NADK2: variants seen among roughly 807,000 people sequenced by gnomAD.
The protein encoded by NADK2 is NAD kinase 2, mitochondrial, also known as NAD kinase domain-containing protein 1, mitochondrial.
NADK2 carries 35 observed loss-of-function variants against 62.1 expected under a neutral mutation model. The observed-to-expected ratio is 0.56, with a 90% CI of 0.43 to 0.75. The LOEUF is 0.75. Ranked by LOEUF, NADK2 falls within the 30% of genes least tolerant of loss-of-function variation. The probability of loss-of-function intolerance (pLI) is 0.00; values close to 1 mark genes in which losing one functional copy is unlikely to be tolerated. For synonymous variants in NADK2, 205 were observed against 207.9 expected, an observed-to-expected ratio of 0.99 and a Z score of 0.12; for missense variants, 439 against 561.3, an observed-to-expected ratio of 0.78 and a Z score of 2.20.
At chr5:36,200,811 C>G (rs1746416293) in intron 9 of NADK2, among the ~76,000 whole-genome samples, 1 of 151,634 alleles carries the variant, frequency 6.6e-6, no homozygotes. Flanking sequence ...TAATAACGGC[C>G]CCAAGGCACA....
chr5:36,226,601 TA>T, intron 2 of NADK2, 38 bp from the exon 3 acceptor site: 1 of 1,366,688 alleles, frequency 7.3e-7, no homozygotes, highest in Non-Finnish European at 1.0e-6. Flanking sequence ...AAATTTCCAC[TA>T]ATAATATATA....
chr5:36,217,635 A>T, intron 6 of NADK2, 113 bp downstream of exon 6: 1 of 1,093,650 alleles, frequency 9.1e-7, no homozygotes, highest in Non-Finnish European at 1.4e-6. Flanking sequence ...GTACTTTGTT[A>T]AGTGCTATTA....
At chr5:36,225,441 A>G in intron 4 of NADK2, 101 bp downstream of exon 4, 1 of 859,164 alleles carries the variant, frequency 1.2e-6, no homozygotes, top group South Asian at 1.8e-5. Context: ...CCATAAAAAG[A>G]TACTATGCAA....
chr5:36,233,126 G>GTAC (rs1275440315), intron 1 of NADK2, among the ~76,000 whole-genome samples: 2 of 152,090 alleles, frequency 1.3e-5, no homozygotes, highest in Non-Finnish European at 2.9e-5. Flanking sequence ...GACAATCTAT[G>GTAC]TACTTTAAGT....
chr5:36,211,377 G>C (rs749809672), intron 7 of NADK2, among the ~76,000 whole-genome samples: 20 of 152,062 alleles, frequency 1.3e-4, no homozygotes, highest in Non-Finnish European at 2.6e-4. Flanking sequence ...CAACAATGGT[G>C]AAACCCCATC....
chr5:36,232,872 T>C (rs1009904484), intron 1 of NADK2, among the ~76,000 whole-genome samples: 5 of 152,200 alleles, frequency 3.3e-5, no homozygotes, highest in African/African-American at 9.7e-5. Flanking sequence ...TCTACAGCCT[T>C]GAATTTTCAA....
At chr5:36,221,101 A>G (rs1433763888) in intron 4 of NADK2, 1 of 152,218 alleles carries the variant, frequency 6.6e-6, no homozygotes, top group Non-Finnish European at 1.5e-5. Context: ...GGGTACCTAA[A>G]TACTAGGAAG....
At chr5:36,227,850 T>TC (rs1458978640) in intron 1 of NADK2, among the ~76,000 whole-genome samples, 1 of 150,086 alleles carries the variant, frequency 6.7e-6, no homozygotes, top group Non-Finnish European at 1.5e-5. Flanking sequence ...TTTATGACTT[T>TC]TTTTTTTTTT....
rs1324355693 is a variant in NADK2 at position 36,219,471 on chromosome 5, A to G, written c.644+125T>C. The G allele has an allele frequency of 5.2e-6, 4 of 765,956 alleles. No individual in the cohort carries two copies. The Admixed American group carries it at 1.0e-4, about 19-fold the overall frequency. The allele number at this position is 765,956 out of a possible 1,614,324, so 47.4% of individuals were successfully genotyped here. A position where few individuals can be genotyped will look rare whatever the true frequency, so the allele number is the denominator to read the frequency against. ...AGTGATCCACCCGCATCGGCCTCCC[A>G]AAGTACTGGGATTACAGGCGTGAGA... On this transcript the variant is annotated intron_variant, in intron 5 of 11. Coordinates refer to ENST00000381937, the MANE Select transcript of NADK2 (RefSeq NM_001085411.3).
chr5:36,233,083 T>C lies in NADK2; in HGVS notation c.301-5518A>G, dbSNP rs11952182. Among the ~76,000 whole-genome samples, 569 of 152,326 alleles carry C rather than the reference T, an allele frequency of 3.7e-3. 3 individuals are homozygous for C. The highest frequency in any genetic ancestry group is 0.013 in the African/African-American group (532 of 41,574). ...CTCAATGTCCACAGCCAGTCAGTAG[T>C]GAAGTCAAATAATTACATCTGTGAA... On this transcript the variant is annotated intron_variant, in intron 1 of 11. Coordinates refer to ENST00000381937, the MANE Select transcript of NADK2 (RefSeq NM_001085411.3).
In NADK2 at chr5:36,205,250, T is replaced by C. The variant is rs979711842; in HGVS notation, c.956+1920A>G. ...ATAATAGTGCTATGAGAAAAAGTGT[T>C]AGGGAAGGATGAAAATGATTAATTC... On this transcript the variant is annotated intron_variant, in intron 8 of 11. Coordinates refer to ENST00000381937, the MANE Select transcript of NADK2 (RefSeq NM_001085411.3). This position sits in a 1 kb window ranked among gnomAD's most constrained non-coding sequence, Gnocchi z 4.1. 1.3e-5 allele frequency among the ~76,000 whole-genome samples: 2 copies of C among 151,992 alleles called. No homozygotes were observed. The highest frequency in any genetic ancestry group is 2.9e-5 in the Non-Finnish European group (2 of 67,986).
rs1367659946 is a variant in NADK2, at chr5:36,219,664, T to C, written c.576A>G (p.Leu192=). The C allele has an allele frequency of 6.2e-7, 1 of 1,613,860 alleles. No homozygotes were observed. Among genetic ancestry groups the C allele is most frequent in the Non-Finnish European group, 8.5e-7 (1 of 1,179,866 alleles). ...AATGTGTATATCGAACGGGCAGGCATAAATGACCCTCAGACCTATATTTTA... is the reference window on the plus strand; with the variant it reads ...AATGTGTATATCGAACGGGCAGGCACAAATGACCCTCAGACCTATATTTTA... ...NTDPERSEGH[L]CLPVRYTHSF... Residue 192 remains leucine, a synonymous_variant, in exon 5 of 12, where the codon TTA becomes TTG. Coordinates refer to ENST00000381937, the MANE Select transcript of NADK2 (RefSeq NM_001085411.3).
Position 36,241,397 on chromosome 5 carries a change from G to A in NADK2, c.300+102C>T, listed in dbSNP as rs924069975. ...GAGAGGCAGGACCGGCATCTGCGGT[G>A]CCCTGGGAAGAGTCGTCCCGAGAGG... is the stretch of plus-strand genomic sequence containing the variant. On this transcript the variant is annotated intron_variant, in intron 1 of 11. Coordinates refer to ENST00000381937, the MANE Select transcript of NADK2 (RefSeq NM_001085411.3). The surrounding 1 kb of genome is among the most constrained non-coding windows in gnomAD (Gnocchi z 4.9). The A allele has an allele frequency of 1.6e-5, 22 of 1,384,344 alleles. No individual in the cohort carries two copies. The highest frequency in any genetic ancestry group is 4.6e-5 in the African/African-American group (3 of 65,510). The allele number at this position is 1,384,344 out of a possible 1,614,324, so 85.8% of individuals were successfully genotyped here.
intron 1 of NADK2, among the ~76,000 whole-genome samples, chr5:36,235,277 A>G (rs571344549): frequency 6.6e-6 from 1 of 152,218 alleles, no homozygotes; most frequent in Non-Finnish European, 1.5e-5. Context: ...GATCTATCTT[A>G]GTAAAGGAAT....
chr5:36,235,946 C>T (rs183744012), intron 1 of NADK2, among the ~76,000 whole-genome samples: 1 of 151,454 alleles, frequency 6.6e-6, no homozygotes, highest in East Asian at 1.9e-4. Context: ...AACTGGCACA[C>T]TTGCTGATAT....
In NADK2 at chr5:36,241,451, G is replaced by C; in HGVS notation, c.300+48C>G. On this transcript the variant is annotated intron_variant, in intron 1 of 11. Coordinates refer to ENST00000381937, the MANE Select transcript of NADK2 (RefSeq NM_001085411.3). The surrounding 1 kb of genome is among the most constrained non-coding windows in gnomAD (Gnocchi z 4.9). ...CCCCGAGGGGGCGCAGCCGCCACCA[G>C]AGCCCCGGCCGAGCCCGGGAGCGAA... 2 of 1,490,274 alleles carry C rather than the reference G, an allele frequency of 1.3e-6. No individual in the cohort carries two copies. The highest frequency in any genetic ancestry group is 2.1e-5 in the Admixed American group (1 of 46,646). 92.3% of individuals were successfully genotyped at this position (1,490,274 alleles called of 1,614,324 possible).
chr5:36,196,173 G>A (rs542193265), intron 11 of NADK2, among the ~76,000 whole-genome samples: 171 of 152,166 alleles, frequency 1.1e-3, no homozygotes, highest in African/African-American at 3.9e-3. Flanking sequence ...TACTTCAAAG[G>A]GGAATTATTG....
In NADK2 at chr5:36,211,888, C is replaced by G; in HGVS notation, c.816G>C (p.Val272=). The change falls in exon 7 of 12, where the codon GTG becomes GTC. Residue 272 remains valine (V), a synonymous_variant. Coordinates refer to ENST00000381937, the MANE Select transcript of NADK2 (RefSeq NM_001085411.3). ...SEASGPQLLP[V]RALNEVFIGE... ...CAATGAAGACTTCATTTAGTGCTCT[C>G]ACTGGCAGAAGTTGGGGTCCTGAAG... 1 of 1,613,582 alleles carries G rather than the reference C, an allele frequency of 6.2e-7. No homozygotes were observed. Among genetic ancestry groups the G allele is most frequent in the Non-Finnish European group, 8.5e-7 (1 of 1,179,716 alleles).
chr5:36,224,199 A>G (rs376588334), intron 4 of NADK2, among the ~76,000 whole-genome samples: 5 of 152,290 alleles, frequency 3.3e-5, no homozygotes, highest in African/African-American at 1.2e-4. Context: ...ACCAAACCCA[A>G]TGATCTTTTT....
Sources: gnomAD v4.1 joint callset for allele counts (sites outside exome capture counted in the v4.1 genomes callset) on GRCh38, gnomAD v4.1.1 for gene constraint, Gnocchi (gnomAD v3.1) non-coding constraint, MANE v1.5 for transcripts, NCBI Gene and HGNC (gene_info 2026-07-23, HGNC 2026-07-21) for gene names.